The following EFCAB14 variants were observed in gnomAD, a reference collection of about 807,000 sequenced individuals.
The protein encoded by EFCAB14 is EF-hand calcium-binding domain-containing protein 14.
Under a neutral mutation model 56.5 loss-of-function variants are expected in EFCAB14, and 43 were observed. The ratio of observed to expected loss-of-function variants is 0.76; its 90% CI spans 0.60 to 0.98. EFCAB14 has a LOEUF of 0.98. Among genes scored for constraint, EFCAB14 ranks in the 50% least tolerant of loss-of-function variants. The pLI is 0.00. For missense variants in EFCAB14, 538 were observed against 580.3 expected (o/e 0.93, Z 0.75); for synonymous variants, 235 against 212.9 (o/e 1.10, Z -0.90).
At position 46,717,977 on chromosome 1, in the gene EFCAB14, G is replaced by C; in HGVS notation, c.111C>G (p.Pro37=). 6.2e-7 allele frequency: 1 copy of C among 1,614,144 alleles called. No individual in the cohort carries two copies. Residue 37 remains proline (P), a synonymous_variant, in exon 1 of 11, where the codon CCC becomes CCG. Coordinates refer to ENST00000371933, the MANE Select transcript of EFCAB14 (RefSeq NM_014774.3). ...CGGAGCTGGACTCAGAGTCTGAGTC[G>C]GGAGGCTCAGTGCGAAGCAGGCGGT... is the stretch of plus-strand genomic sequence containing the variant. The part of the protein sequence containing the change: ...SSHRLLRTEP[P]DSDSESSSEE...
intron 2 of EFCAB14, among the ~76,000 whole-genome samples, chr1:46,714,604 C>T (rs1396349874): frequency 6.6e-6 from 1 of 151,898 alleles, no homozygotes; most frequent in African/African-American, 2.4e-5. Flanking sequence ...CCAGTCTGGG[C>T]AACATAGCAA....
intron 3 of EFCAB14, among the ~76,000 whole-genome samples, chr1:46,696,953 T>C (rs1479670171): frequency 6.6e-6 from 1 of 152,208 alleles, no homozygotes; most frequent in East Asian, 1.9e-4. Flanking sequence ...ACTCAAAAGA[T>C]GCTGTAATTA....
chr1:46,680,209 A>G (rs924999109), intron 10 of EFCAB14, among the ~76,000 whole-genome samples: 1 of 152,198 alleles, frequency 6.6e-6, no homozygotes, highest in East Asian at 1.9e-4. Context: ...TCCTAGGTAT[A>G]TATATACTCA....
chr1:46,698,439 A>G (rs1373887306), intron 3 of EFCAB14, among the ~76,000 whole-genome samples: 1 of 152,136 alleles, frequency 6.6e-6, no homozygotes, highest in East Asian at 1.9e-4. Flanking sequence ...ATATAGAAAA[A>G]TATCAGATAG....
chr1:46,680,308 C>T (rs1676772636), intron 10 of EFCAB14, among the ~76,000 whole-genome samples: 1 of 152,094 alleles, frequency 6.6e-6, no homozygotes, highest in South Asian at 2.1e-4. Flanking sequence ...TGAGAACAAT[C>T]GAAATGTCCA....
At chr1:46,704,662 G>C (rs1231715736) in intron 3 of EFCAB14, among the ~76,000 whole-genome samples, 1 of 152,020 alleles carries the variant, frequency 6.6e-6, no homozygotes, top group African/African-American at 2.4e-5. Flanking sequence ...ACGATATTTT[G>C]TTATAGCAGC....
At chr1:46,693,241 G>A (rs539799143) in intron 4 of EFCAB14, among the ~76,000 whole-genome samples, 27 of 152,262 alleles carry the variant, frequency 1.8e-4, no homozygotes, top group African/African-American at 6.3e-4. Context: ...ACATCTAAAA[G>A]GGTGTTACTA....
chr1:46,687,047 A>T, intron 7 of EFCAB14, 177 bp from the exon 8 acceptor site: 2 of 613,838 alleles, frequency 3.3e-6, no homozygotes, highest in Admixed American at 5.8e-5. Flanking sequence ...AAGGCCAGAG[A>T]CGAAGTTGAA....
chr1:46,694,842 T>G (rs1677055277), intron 4 of EFCAB14, among the ~76,000 whole-genome samples: 2 of 152,082 alleles, frequency 1.3e-5, no homozygotes, highest in Non-Finnish European at 2.9e-5. Flanking sequence ...TGTCCATCAG[T>G]GATAGACTAG....
chr1:46,675,844 C>T lies in EFCAB14; in HGVS notation c.*2617G>A, dbSNP rs1307692581. On this transcript the variant is annotated 3_prime_UTR_variant, in exon 11 of 11. Transcript: ENST00000371933. ...GGAGGCTCTTTTAGTAAACATTATA[C>T]AAGATAGTACAAGGCAAAAGAAAAC... 1 of 152,116 alleles carries T rather than the reference C, an allele frequency of 6.6e-6. No individual in the cohort carries two copies. The highest frequency in any genetic ancestry group is 1.9e-4 in the East Asian group (1 of 5,196). 9.4% of individuals were successfully genotyped at this position (152,116 alleles called of 1,614,324 possible).
At position 46,707,968 on chromosome 1, in the gene EFCAB14, T is replaced by C; in HGVS notation, c.418A>G (p.Ile140Val). ...TTCAAACCCATCTCTCCAGATTCAATCTTCTCAAGTTGTTTTTGCTTGCTG... is the reference window on the plus strand; with the variant it reads ...TTCAAACCCATCTCTCCAGATTCAACCTTCTCAAGTTGTTTTTGCTTGCTG... The part of the protein sequence containing the change: ...LLSKQKQLEK[I>V]ESGEMGLNKV... The change falls in exon 3 of 11, where the codon ATT (isoleucine) becomes GTT (valine). Residue 140 changes from isoleucine (I) to valine (V), a missense_variant. By Grantham distance (29) the Ile-to-Val change is conservative. Transcript: ENST00000371933. 1 of 1,612,826 alleles carries C rather than the reference T, an allele frequency of 6.2e-7. No homozygotes were observed. Among genetic ancestry groups the C allele is most frequent in the Non-Finnish European group, 8.5e-7 (1 of 1,179,764 alleles).
At chr1:46,679,748 T>C (rs1340661645) in intron 10 of EFCAB14, among the ~76,000 whole-genome samples, 2 of 151,716 alleles carry the variant, frequency 1.3e-5, no homozygotes, top group African/African-American at 2.4e-5. Flanking sequence ...GTAGCTGGCA[T>C]GACAGGTGTG....
chr1:46,716,182 G>T, intron 2 of EFCAB14, 113 bp downstream of exon 2: 1 of 1,170,686 alleles, frequency 8.5e-7, no homozygotes, highest in Non-Finnish European at 1.2e-6. Flanking sequence ...CTGGGTGGCG[G>T]ATGTTGCAGT....
chr1:46,689,484 T>C (rs1222021190), intron 6 of EFCAB14, 103 bp downstream of exon 6: 11 of 1,073,688 alleles, frequency 1.0e-5, no homozygotes, highest in Non-Finnish European at 1.6e-5. Flanking sequence ...GGCAAATAAA[T>C]ACAGGATGCA....
intron 2 of EFCAB14, 136 bp downstream of exon 2, chr1:46,716,159 G>C: frequency 1.1e-6 from 1 of 944,956 alleles, no homozygotes; most frequent in Non-Finnish European, 1.5e-6. Flanking sequence ...CTGACCATGA[G>C]AATCACTTGA....
intron 2 of EFCAB14, among the ~76,000 whole-genome samples, chr1:46,711,640 C>T (rs1677309668): frequency 6.6e-6 from 1 of 152,044 alleles, no homozygotes; most frequent in Admixed American, 6.6e-5. Context: ...CATGTTTTTC[C>T]AACAAAGGAA....
At chr1:46,713,624 A>G (rs998654511) in intron 2 of EFCAB14, among the ~76,000 whole-genome samples, 5 of 152,196 alleles carry the variant, frequency 3.3e-5, no homozygotes, top group Admixed American at 1.3e-4. Flanking sequence ...AGTCAGAAAA[A>G]GGAATCCCTG....
intron 2 of EFCAB14, among the ~76,000 whole-genome samples, chr1:46,709,537 T>C (rs916600152): frequency 2.6e-5 from 4 of 152,314 alleles, no homozygotes; most frequent in African/African-American, 9.6e-5. Context: ...GGTGAGATGC[T>C]TGAGGACAAA....
At chr1:46,707,573 T>C (rs1677251420) in intron 3 of EFCAB14, among the ~76,000 whole-genome samples, 1 of 152,232 alleles carries the variant, frequency 6.6e-6, no homozygotes, top group South Asian at 2.1e-4. Flanking sequence ...TTATCTACTT[T>C]TCTTGGGGGT....
Sources: gnomAD v4.1 joint callset for allele counts (sites outside exome capture counted in the v4.1 genomes callset) on GRCh38, gnomAD v4.1.1 for gene constraint, MANE v1.5 for transcripts, NCBI Gene and HGNC (gene_info 2026-07-23, HGNC 2026-07-21) for gene names.